The following MAGI2 variants were observed in gnomAD, a reference collection of about 807,000 sequenced individuals.
MAGI2 encodes the protein membrane-associated guanylate kinase, WW and PDZ domain-containing protein 2.
A neutral mutation model predicts 133.3 loss-of-function variants in MAGI2; 35 were observed. That is an observed-to-expected ratio of 0.26 (90% CI 0.20 to 0.35). MAGI2 has a LOEUF of 0.35. Among genes scored for constraint, MAGI2 ranks in the 10% least tolerant of loss-of-function variants. MAGI2 has a pLI of 1.00. For synonymous variants in MAGI2, 729 were observed against 710.6 expected (o/e 1.03, Z -0.41); for missense variants, 1,636 against 1,863.4 (o/e 0.88, Z 2.25).
intron 1 of MAGI2, among the ~76,000 whole-genome samples, chr7:79,377,111 G>T (rs848925): frequency 6.6e-6 from 1 of 151,454 alleles, no homozygotes; most frequent in Non-Finnish European, 1.5e-5. Flanking sequence ...ACTCATAAAA[G>T]TACACTTCTT....
chr7:78,175,585 C>T (rs1826515329), intron 14 of MAGI2, among the ~76,000 whole-genome samples: 1 of 152,122 alleles, frequency 6.6e-6, no homozygotes, highest in South Asian at 2.1e-4. Context: ...AAGTTGGCAA[C>T]CAGTGCACGG....
intron 2 of MAGI2, among the ~76,000 whole-genome samples, chr7:78,972,434 T>A (rs1803871195): frequency 6.6e-6 from 1 of 152,020 alleles, no homozygotes; most frequent in East Asian, 1.9e-4. Flanking sequence ...TTAGAAAAAA[T>A]TGATGGCACT....
At chr7:78,691,388 A>G (rs1015134841) in intron 2 of MAGI2, among the ~76,000 whole-genome samples, 3 of 152,214 alleles carry the variant, frequency 2.0e-5, no homozygotes, top group African/African-American at 7.2e-5. Flanking sequence ...TGCAGTGGAC[A>G]TCTTATGAAT....
intron 2 of MAGI2, among the ~76,000 whole-genome samples, chr7:78,881,009 C>G (rs1480769630): frequency 6.6e-6 from 1 of 152,162 alleles, no homozygotes; most frequent in Non-Finnish European, 1.5e-5. Flanking sequence ...TTCAATTCAA[C>G]AAGAAAACTT....
chr7:79,237,303 G>A (rs1455307660), intron 1 of MAGI2, among the ~76,000 whole-genome samples: 1 of 152,128 alleles, frequency 6.6e-6, no homozygotes, highest in Admixed American at 6.5e-5. Context: ...GACCATCCTG[G>A]CTAACACGGT....
At chr7:78,451,010 GGTA>G (rs1300419972) in intron 6 of MAGI2, among the ~76,000 whole-genome samples, 2 of 152,086 alleles carry the variant, frequency 1.3e-5, no homozygotes, top group African/African-American at 2.4e-5. Flanking sequence ...AGCGGCAGGT[GGTA>G]GTAGTAGTAG....
At chr7:78,442,891 A>C (rs1250303932) in intron 6 of MAGI2, among the ~76,000 whole-genome samples, 3 of 152,212 alleles carry the variant, frequency 2.0e-5, no homozygotes, top group Non-Finnish European at 4.4e-5. Context: ...ATACAAGATT[A>C]GAAAAGGCAG....
rs1304522687 is a variant in MAGI2, at chr7:78,187,372, G to C, written c.2270-1702C>G. 2.6e-5 allele frequency among the ~76,000 whole-genome samples: 4 copies of C among 152,070 alleles called. No individual in the cohort carries two copies. The East Asian group carries it at 7.7e-4, about 29-fold the overall frequency. On this transcript the variant is annotated intron_variant, in intron 12 of 21. Transcript: ENST00000354212. ...TTCCTTAAGAGCATTTACAGAGGAG[G>C]CAACTTACAGTTTTGAAAGGCAGAG... is the stretch of plus-strand genomic sequence containing the variant.
chr7:79,239,235 A>G (rs190835527), intron 1 of MAGI2, among the ~76,000 whole-genome samples: 2 of 152,172 alleles, frequency 1.3e-5, no homozygotes, highest in Admixed American at 6.5e-5. Context: ...TTTCCCATAC[A>G]GTATAAGCAG....
At chr7:78,977,887 C>T (rs905194147) in intron 2 of MAGI2, among the ~76,000 whole-genome samples, 15 of 151,738 alleles carry the variant, frequency 9.9e-5, no homozygotes, top group African/African-American at 3.6e-4. Context: ...AACACCTAAA[C>T]AGATACATCA....
At chr7:78,613,233 T>A (rs1384784519) in intron 3 of MAGI2, among the ~76,000 whole-genome samples, 2 of 152,198 alleles carry the variant, frequency 1.3e-5, no homozygotes, top group Non-Finnish European at 2.9e-5. Context: ...TTGAACAAAA[T>A]GCCCATGAGC....
At chr7:79,161,775 T>A (rs1248019315) in intron 1 of MAGI2, among the ~76,000 whole-genome samples, 1 of 152,122 alleles carries the variant, frequency 6.6e-6, no homozygotes, top group Non-Finnish European at 1.5e-5. Context: ...AACTTATCTT[T>A]CTAAGTTCTC....
chr7:78,531,843 G>A (rs1307550570), intron 3 of MAGI2, among the ~76,000 whole-genome samples: 1 of 152,086 alleles, frequency 6.6e-6, no homozygotes, highest in African/African-American at 2.4e-5. Flanking sequence ...TCCCTGTCTT[G>A]TAAATACAAT....
At chr7:79,042,212 T>C (rs762894328) in intron 1 of MAGI2, among the ~76,000 whole-genome samples, 1 of 152,132 alleles carries the variant, frequency 6.6e-6, no homozygotes, top group Non-Finnish European at 1.5e-5. Flanking sequence ...AGGAGATAAA[T>C]GAATGGCCAT....
intron 2 of MAGI2, among the ~76,000 whole-genome samples, chr7:78,841,198 T>C (rs1043905676): frequency 1.3e-5 from 2 of 152,074 alleles, no homozygotes; most frequent in African/African-American, 4.8e-5. Context: ...TGAAGTACTA[T>C]AGCTGAAATT....
rs1442361028 is a variant in MAGI2 at position 78,040,994 on chromosome 7, T to TTGAA, written c.3707-21022_3707-21019dup. On this transcript the variant is annotated intron_variant, in intron 21 of 21. Transcript: ENST00000354212. ...CCTTTGACCCTCCACCAGCACTTTG[T>TTGAA]TGAATGCTCGTGGCGTGTTGATGGG... is the stretch of plus-strand genomic sequence containing the variant. Among the ~76,000 whole-genome samples the TTGAA allele has an allele frequency of 2.0e-5, 3 of 152,286 alleles. No homozygotes were observed. The South Asian group carries it at 6.2e-4, about 32-fold the overall frequency.
intron 21 of MAGI2, among the ~76,000 whole-genome samples, chr7:78,065,129 G>C (rs1351574199): frequency 6.6e-6 from 1 of 152,142 alleles, no homozygotes; most frequent in Non-Finnish European, 1.5e-5. Context: ...ATGATGCCAG[G>C]TGGAGTTTGG....
intron 2 of MAGI2, among the ~76,000 whole-genome samples, chr7:78,885,580 C>G (rs990404195): frequency 2.0e-5 from 3 of 150,870 alleles, no homozygotes; most frequent in Non-Finnish European, 4.4e-5. Context: ...AGCCCTATAT[C>G]TTAAAGTCTG....
rs1000266038 is a variant in MAGI2, at chr7:79,077,899, G to A, written c.302-70693C>T. ...TTATCTATTAGCATCTTATGTGAACGTCATTGCATATAGTTTTTATTTTTT... is the reference window on the plus strand; with the variant it reads ...TTATCTATTAGCATCTTATGTGAACATCATTGCATATAGTTTTTATTTTTT... On this transcript the variant is annotated intron_variant, in intron 1 of 21. Transcript: ENST00000354212. Among the ~76,000 whole-genome samples, 4 of 151,964 alleles carry A rather than the reference G, an allele frequency of 2.6e-5. No individual in the cohort carries two copies. The East Asian group carries it at 7.7e-4, about 29-fold the overall frequency.
Sources: gnomAD v4.1 joint callset for allele counts (sites outside exome capture counted in the v4.1 genomes callset) on GRCh38, gnomAD v4.1.1 for gene constraint, MANE v1.5 for transcripts, NCBI Gene and HGNC (gene_info 2026-07-23, HGNC 2026-07-21) for gene names.